WFDC2: variants seen among roughly 807,000 people sequenced by gnomAD.
WFDC2 encodes the protein WAP four-disulfide core domain 2.
In WFDC2, 8 loss-of-function variants were observed where a neutral mutation model predicts 12.5. That is an observed-to-expected ratio of 0.64 (90% confidence interval 0.37 to 1.15). The LOEUF (loss-of-function observed/expected upper bound fraction) is 1.15. Ranked by LOEUF, WFDC2 falls within the 50% of genes most tolerant of loss-of-function variation. The pLI is 0.01. For synonymous variants in WFDC2, 74 were observed against 67.2 expected, an observed-to-expected ratio of 1.10 and a Z score of -0.49; for missense variants, 166 against 159.9, an observed-to-expected ratio of 1.04 and a Z score of -0.21.
Position 45,473,977 on chromosome 20 carries a change from CTCTG to C in WFDC2, c.223+3449_223+3452del, listed in dbSNP as rs557921420. The stretch of plus-strand genomic sequence containing the variant: ...ATGGGAATTCACTCATGATTTGGCT[CTCTG>C]TCTATTATTGGTGTATAGGAATACT... On this transcript the variant is annotated intron_variant, in intron 2 of 3. Coordinates refer to ENST00000372676, the MANE Select transcript of WFDC2 (RefSeq NM_006103.4). 1.2e-4 allele frequency among the ~76,000 whole-genome samples: 18 copies of C among 151,994 alleles called. No individual in the cohort carries two copies. The South Asian group carries it at 2.7e-3, about 23-fold the overall frequency.
intron 2 of WFDC2, chr20:45,471,382 G>T (rs890472181): frequency 3.0e-6 from 1 of 332,708 alleles, no homozygotes; most frequent in African/African-American, 2.2e-5. Flanking sequence ...AAATGCTGAG[G>T]ATTAGAGGCA....
chr20:45,471,078 A>G (rs531265683), intron 2 of WFDC2: 1 of 466,346 alleles, frequency 2.1e-6, no homozygotes, highest in East Asian at 7.0e-5. Flanking sequence ...TGAGAAAAAA[A>G]TGTTCTTGCC....
intron 2 of WFDC2, among the ~76,000 whole-genome samples, chr20:45,471,759 C>G (rs1260256923): frequency 6.6e-6 from 1 of 152,182 alleles, no homozygotes; most frequent in African/African-American, 2.4e-5. Context: ...GATGGACAGA[C>G]TGAGGCAGGA....
rs778715950 is a variant in WFDC2, at chr20:45,480,050, G to T, written c.332G>T (p.Arg111Leu). Residue 111 changes from arginine (R) to leucine (L), a missense_variant, in exon 3 of 4, where the codon CGC becomes CTC. Arg to Leu is a moderately radical substitution (Grantham distance 102). Transcript: ENST00000372676. Reference protein sequence around the residue: ...SQCPGQMKCCRNGCGKVSCVT... With the variant: ...SQCPGQMKCCLNGCGKVSCVT... ...TGTCCTGGCCAGATGAAATGCTGCC[G>T]CAATGGCTGTGGGAAGGTGTCCTGT... 4 of 1,614,074 alleles carry T rather than the reference G, an allele frequency of 2.5e-6. No individual in the cohort carries two copies. Among genetic ancestry groups the T allele is most frequent in the Admixed American group, 1.7e-5 (1 of 60,004 alleles).
intron 2 of WFDC2, among the ~76,000 whole-genome samples, chr20:45,473,432 A>C (rs1991196980): frequency 6.6e-6 from 1 of 152,176 alleles, no homozygotes. Flanking sequence ...CCATTTATTA[A>C]ATAGGGAATC....
chr20:45,478,114 C>T (rs145371887), intron 2 of WFDC2, among the ~76,000 whole-genome samples: 2,929 of 152,230 alleles, frequency 0.019, 32 homozygotes, highest in Non-Finnish European at 0.027. Context: ...GGGTGGGATC[C>T]GCTGAGCTAG....
intron 2 of WFDC2, among the ~76,000 whole-genome samples, chr20:45,474,247 G>C (rs1018402534): frequency 1.3e-5 from 2 of 152,204 alleles, no homozygotes; most frequent in Non-Finnish European, 2.9e-5. Context: ...GAGCATGCTT[G>C]TCTTGTGCCG....
At chr20:45,473,741 G>A (rs922958232) in intron 2 of WFDC2, among the ~76,000 whole-genome samples, 1 of 152,154 alleles carries the variant, frequency 6.6e-6, no homozygotes, top group Admixed American at 6.5e-5. Context: ...TAGCTTGATG[G>A]GGATAGCATT....
At chr20:45,480,804 C>G (rs1210185931) in intron 3 of WFDC2, among the ~76,000 whole-genome samples, 1 of 152,148 alleles carries the variant, frequency 6.6e-6, no homozygotes, top group Non-Finnish European at 1.5e-5. Context: ...CGAGAGGGAA[C>G]TATGGTTTCT....
chr20:45,470,664 C>T lies in WFDC2; in HGVS notation c.223+132C>T. ...CCCGGGAAAGTCAAGGCGGTTGAAA[C>T]CAGATCCGTCAGTCCTCTCCCTCGC... On this transcript the variant is annotated intron_variant, in intron 2 of 3. Coordinates refer to ENST00000372676, the MANE Select transcript of WFDC2 (RefSeq NM_006103.4). This position sits in a 1 kb window ranked among gnomAD's most constrained non-coding sequence, Gnocchi z 5.4. 1 of 1,279,132 alleles carries T rather than the reference C, an allele frequency of 7.8e-7. No homozygotes were observed. Among genetic ancestry groups the T allele is most frequent in the South Asian group, 1.5e-5 (1 of 64,916 alleles). 79.2% of individuals were successfully genotyped at this position (1,279,132 alleles called of 1,614,324 possible).
intron 2 of WFDC2, among the ~76,000 whole-genome samples, chr20:45,472,991 T>G (rs550781996): frequency 6.6e-6 from 1 of 152,386 alleles, no homozygotes; most frequent in East Asian, 1.9e-4. Context: ...TGTCTTCTTT[T>G]GAGAAGCATC....
intron 2 of WFDC2, chr20:45,479,602 G>T (rs764868189): frequency 1.1e-4 from 153 of 1,406,186 alleles, no homozygotes; most frequent in Non-Finnish European, 1.5e-4. Context: ...ATATATGTTT[G>T]TTTCCCACTG....
In WFDC2 at chr20:45,479,586, G is replaced by A; in HGVS notation, c.224-356G>A. 3.1e-6 allele frequency: 4 copies of A among 1,296,726 alleles called. No homozygotes were observed. In the South Asian group the frequency reaches 4.7e-5, roughly 15 times the overall value. The allele number at this position is 1,296,726 out of a possible 1,614,324, so 80.3% of individuals were successfully genotyped here. A position where few individuals can be genotyped will look rare whatever the true frequency, so the allele number is the denominator to read the frequency against. On this transcript the variant is annotated intron_variant, in intron 2 of 3. Transcript: ENST00000372676. ...ACAGAGTAGTTTGATATTTCAGGGA[G>A]AAATAATATATGTTTGTTTCCCACT...
rs1475153699 is a variant in WFDC2, at chr20:45,469,825, T to A, written c.44T>A (p.Leu15His). ...RLGPLAAALLLSLLLFGFTLV... is the reference protein window; with the variant it reads ...RLGPLAAALLHSLLLFGFTLV... ...GGCCCGCTAGCCGCCGCCCTCCTCC[T>A]CAGCCTGCTGCTGTTCGGCTTCACC... is the stretch of plus-strand genomic sequence containing the variant. The change falls in exon 1 of 4, where the codon CTC becomes CAC. Residue 15 changes from leucine (L) to histidine (H), a missense_variant. Transcript: ENST00000372676. 3.7e-6 allele frequency: 6 copies of A among 1,611,290 alleles called. No homozygotes were observed. Among genetic ancestry groups the A allele is most frequent in the Non-Finnish European group, 5.1e-6 (6 of 1,179,054 alleles).
In WFDC2 at chr20:45,481,415, C is replaced by T. The variant is rs144702205; in HGVS notation, c.*46C>T. ...GAGCAGTGAGGAGAGAAAGTTTCTG[C>T]CTGGCCCTGCATCTGGTTCCAGCCC... On this transcript the variant is annotated 3_prime_UTR_variant, in exon 4 of 4. Coordinates refer to ENST00000372676, the MANE Select transcript of WFDC2 (RefSeq NM_006103.4). The T allele has an allele frequency of 2.2e-3, 340 of 152,624 alleles. 1 individual carries two copies. Among genetic ancestry groups the T allele is most frequent in the South Asian group, 0.012 (60 of 4,838 alleles). The allele number at this position is 152,624 out of a possible 1,614,324, so 9.5% of individuals were successfully genotyped here. A position where few individuals can be genotyped will look rare whatever the true frequency, so the allele number is the denominator to read the frequency against.
At position 45,470,299 on chromosome 20, in the gene WFDC2, C is replaced by A. The variant is rs1991150418; in HGVS notation, c.80-90C>A. ...CTCCTAGGGCCAGAGACTGAGAATT[C>A]CTTGGGGTTAAGGTTTGGAGCAGGA... On this transcript the variant is annotated intron_variant, in intron 1 of 3. Transcript: ENST00000372676. The surrounding 1 kb of genome is among the most constrained non-coding windows in gnomAD (Gnocchi z 5.4). The A allele has an allele frequency of 6.8e-7, 1 of 1,470,776 alleles. No individual in the cohort carries two copies. The allele number at this position is 1,470,776 out of a possible 1,614,324, so 91.1% of individuals were successfully genotyped here. A position where few individuals can be genotyped will look rare whatever the true frequency, so the allele number is the denominator to read the frequency against.
rs187010225 is a variant in WFDC2 at position 45,473,771 on chromosome 20, G to A, written c.223+3239G>A. 2.7e-3 allele frequency among the ~76,000 whole-genome samples: 412 copies of A among 152,036 alleles called. 1 individual carries two copies. The highest frequency in any genetic ancestry group is 9.3e-3 in the African/African-American group (387 of 41,478). ...AGCATTGAATCTATAAATTACTTTG[G>A]GCAGTATAGCCATTTTCACGATATT... On this transcript the variant is annotated intron_variant, in intron 2 of 3. Coordinates refer to ENST00000372676, the MANE Select transcript of WFDC2 (RefSeq NM_006103.4).
At chr20:45,471,168 G>A in intron 2 of WFDC2, 1 of 471,282 alleles carries the variant, frequency 2.1e-6, no homozygotes, top group Non-Finnish European at 4.4e-6. Flanking sequence ...CTGGCTGAGT[G>A]ATTCGAAGAA....
At chr20:45,476,405 TA>T (rs1229733962) in intron 2 of WFDC2, among the ~76,000 whole-genome samples, 1 of 152,242 alleles carries the variant, frequency 6.6e-6, no homozygotes, top group African/African-American at 2.4e-5. Flanking sequence ...TGTTTGTCTA[TA>T]AAGGATTTTA....
Sources: gnomAD v4.1 joint callset for allele counts (sites outside exome capture counted in the v4.1 genomes callset) on GRCh38, gnomAD v4.1.1 for gene constraint, Gnocchi (gnomAD v3.1) non-coding constraint, MANE v1.5 for transcripts, NCBI Gene and HGNC (gene_info 2026-07-23, HGNC 2026-07-21) for gene names.